GRIN2A: variants seen among roughly 807,000 people sequenced by gnomAD.
GRIN2A encodes glutamate ionotropic receptor NMDA type subunit 2A, also known as glutamate receptor ionotropic, NMDA 2A.
Under a neutral mutation model 113.4 loss-of-function variants are expected in GRIN2A, and 22 were observed. The ratio of observed to expected loss-of-function variants is 0.19; its 90% confidence interval spans 0.14 to 0.28. GRIN2A has a LOEUF of 0.28. Ranked by LOEUF, GRIN2A falls within the 10% of genes least tolerant of loss-of-function variation. The probability of loss-of-function intolerance (pLI) is 1.00; values close to 1 mark genes in which losing one functional copy is unlikely to be tolerated. For synonymous variants in GRIN2A, 827 were observed against 738.4 expected, an observed-to-expected ratio of 1.12 and a Z score of -1.94; for missense variants, 1,502 against 1,887.0, an observed-to-expected ratio of 0.80 and a Z score of 3.78.
At chr16:9,768,049 T>A (rs1045350952) in intron 12 of GRIN2A, among the ~76,000 whole-genome samples, 9 of 152,166 alleles carry the variant, frequency 5.9e-5, no homozygotes, top group African/African-American at 9.7e-5. Flanking sequence ...AATTTTTTTT[T>A]ATTTTTTGTT....
At chr16:9,892,505 G>A (rs1286298718) in intron 3 of GRIN2A, among the ~76,000 whole-genome samples, 1 of 152,180 alleles carries the variant, frequency 6.6e-6, no homozygotes, top group African/African-American at 2.4e-5. Context: ...GGTATTTAGT[G>A]AAAGATTAGA....
intron 2 of GRIN2A, among the ~76,000 whole-genome samples, chr16:10,132,216 T>C (rs993582715): frequency 1.3e-5 from 2 of 151,492 alleles, no homozygotes; most frequent in Non-Finnish European, 2.9e-5. Context: ...CCTGTAATCC[T>C]AGCTACTCAG....
chr16:9,857,714 A>G (rs2042993085), intron 4 of GRIN2A, among the ~76,000 whole-genome samples: 1 of 152,168 alleles, frequency 6.6e-6, no homozygotes, highest in African/African-American at 2.4e-5. Context: ...AAATTAATGT[A>G]TTAAAGCCCA....
At position 9,764,096 on chromosome 16, in the gene GRIN2A, G is replaced by A. The variant is rs1173762597; in HGVS notation, c.3448C>T (p.Pro1150Ser). Residue 1150 changes from proline (P) to serine (S), a missense_variant, in exon 13 of 13, where the codon CCC (proline) becomes TCC (serine). Pro to Ser is a moderately conservative substitution (Grantham distance 74, BLOSUM62 -1). Transcript: ENST00000330684. ...TLPENVDFPD[P>S]YQDPSENFRK... ...AAGTTTTCACTGGGATCCTGGTAGG[G>A]GTCCGGGAAGTCCACGTTCTCGGGC... 6.2e-7 allele frequency: 1 copy of A among 1,613,772 alleles called. No individual in the cohort carries two copies. Among genetic ancestry groups the A allele is most frequent in the South Asian group, 1.1e-5 (1 of 91,056 alleles).
chr16:9,842,696 G>GGAA (rs1452630994), intron 5 of GRIN2A, among the ~76,000 whole-genome samples: 1 of 152,196 alleles, frequency 6.6e-6, no homozygotes, highest in Non-Finnish European at 1.5e-5. Flanking sequence ...CAGCACTTTG[G>GGAA]GAAGCCAAGT....
intron 2 of GRIN2A, among the ~76,000 whole-genome samples, chr16:9,950,892 C>T (rs543209453): frequency 5.3e-5 from 8 of 152,276 alleles, no homozygotes; most frequent in South Asian, 2.1e-4. Flanking sequence ...TATTGCATTC[C>T]GATCATTTCT....
intron 10 of GRIN2A, among the ~76,000 whole-genome samples, chr16:9,800,083 T>A (rs983979395): frequency 5.3e-5 from 8 of 152,212 alleles, no homozygotes; most frequent in Middle Eastern, 6.8e-3. Flanking sequence ...CAAGTGATTC[T>A]TGTGCCTCAG....
intron 2 of GRIN2A, among the ~76,000 whole-genome samples, chr16:10,034,535 CAAAA>C (rs58076569): frequency 2.4e-3 from 89 of 36,420 alleles, no homozygotes; most frequent in African/African-American, 9.2e-3. Flanking sequence ...CAAAAAAAAG[CAAAA>C]AAAAAAAAAA....
chr16:10,170,646 G>A (rs1357446864), intron 2 of GRIN2A, among the ~76,000 whole-genome samples: 2 of 152,098 alleles, frequency 1.3e-5, no homozygotes, highest in Non-Finnish European at 2.9e-5. Flanking sequence ...GAGGCCAAGG[G>A]AAGAGGATTG....
At chr16:10,075,414 A>T (rs1244018871) in intron 2 of GRIN2A, among the ~76,000 whole-genome samples, 1 of 152,086 alleles carries the variant, frequency 6.6e-6, no homozygotes, top group South Asian at 2.1e-4. Flanking sequence ...GACAGAAAGT[A>T]GAATAGTAGT....
chr16:10,056,097 G>A (rs1324926499), intron 2 of GRIN2A, among the ~76,000 whole-genome samples: 1 of 152,198 alleles, frequency 6.6e-6, no homozygotes, highest in Non-Finnish European at 1.5e-5. Context: ...ATTTCTGAAT[G>A]CAGAGAAAAC....
intron 2 of GRIN2A, chr16:10,111,244 C>A (rs577050532): frequency 1.4e-5 from 4 of 284,966 alleles, no homozygotes; most frequent in Non-Finnish European, 2.7e-5. Context: ...AGGCACCCAA[C>A]ACTAAGTGGT....
intron 3 of GRIN2A, among the ~76,000 whole-genome samples, chr16:9,900,495 C>A (rs1435619305): frequency 6.6e-6 from 1 of 152,188 alleles, no homozygotes; most frequent in Non-Finnish European, 1.5e-5. Context: ...TAGGTTAGGA[C>A]AAAGCTTTTT....
chr16:10,115,328 G>T (rs904115276), intron 2 of GRIN2A, among the ~76,000 whole-genome samples: 1 of 152,086 alleles, frequency 6.6e-6, no homozygotes, highest in East Asian at 1.9e-4. Flanking sequence ...CTTCTTTAAA[G>T]TTACTTGCTA....
intron 2 of GRIN2A, among the ~76,000 whole-genome samples, chr16:10,080,075 C>T (rs1034528185): frequency 3.3e-5 from 5 of 152,178 alleles, no homozygotes; most frequent in African/African-American, 9.7e-5. Flanking sequence ...GTACTTAATA[C>T]ACCACATACA....
chr16:9,803,882 C>G (rs911537485), intron 10 of GRIN2A, among the ~76,000 whole-genome samples: 8 of 152,192 alleles, frequency 5.3e-5, no homozygotes, highest in Non-Finnish European at 4.4e-5. Context: ...AGCTCTATTA[C>G]TTAGAAAATT....
intron 4 of GRIN2A, among the ~76,000 whole-genome samples, chr16:9,865,459 A>T (rs185784585): frequency 6.6e-6 from 1 of 152,330 alleles, no homozygotes; most frequent in East Asian, 1.9e-4. Flanking sequence ...TGGCAAACAC[A>T]GCAGTTTAAA....
intron 4 of GRIN2A, among the ~76,000 whole-genome samples, chr16:9,868,209 CTTGCTTCTGGTAG>C (rs1347365737): frequency 6.6e-6 from 1 of 152,162 alleles, no homozygotes; most frequent in Admixed American, 6.5e-5. Context: ...AGCTGGCCTT[CTTGCTTCTGGTAG>C]ATTTGCTCTT....
intron 2 of GRIN2A, among the ~76,000 whole-genome samples, chr16:10,009,424 A>G (rs1955572688): frequency 6.6e-6 from 1 of 152,154 alleles, no homozygotes; most frequent in Admixed American, 6.5e-5. Context: ...TTTCAATGCA[A>G]AAGTAGGCAG....
Sources: allele counts gnomAD v4.1 joint callset (sites outside exome capture counted in the v4.1 genomes callset), GRCh38; gene constraint gnomAD v4.1.1; transcripts MANE v1.5; gene names NCBI Gene and HGNC (gene_info 2026-07-23, HGNC 2026-07-21).